Variants in LDLRAD3 observed in about 807,000 individuals in gnomAD.
LDLRAD3 encodes the protein low-density lipoprotein receptor class A domain-containing protein 3.
LDLRAD3 carries 20 observed loss-of-function variants against 29.4 expected under a neutral mutation model. That is an observed-to-expected ratio of 0.68 (90% confidence interval 0.48 to 0.99). The LOEUF (loss-of-function observed/expected upper bound fraction) is 0.99, where lower values mean the gene tolerates loss of function less well. Ranked by LOEUF, LDLRAD3 falls within the 50% of genes least tolerant of loss-of-function variation. The pLI is 0.00. For missense variants in LDLRAD3, 420 were observed against 454.3 expected (o/e 0.92, Z 0.69); for synonymous variants, 157 against 192.7 (o/e 0.81, Z 1.53).
chr11:36,183,934 A>G (rs958625972), intron 4 of LDLRAD3: 43 of 261,950 alleles, frequency 1.6e-4, no homozygotes, highest in African/African-American at 8.9e-4. Flanking sequence ...TAGATGTTCT[A>G]TTTGGTTCTT....
chr11:36,106,112 G>A (rs754493190), intron 4 of LDLRAD3, among the ~76,000 whole-genome samples: 1 of 152,218 alleles, frequency 6.6e-6, no homozygotes, highest in African/African-American at 2.4e-5. Context: ...TCGGTAAGGA[G>A]AGCTGCTAGT....
intron 4 of LDLRAD3, among the ~76,000 whole-genome samples, chr11:36,154,838 C>G (rs1358691019): frequency 1.3e-5 from 2 of 152,164 alleles, no homozygotes; most frequent in African/African-American, 4.8e-5. Context: ...AACCAACCAC[C>G]AGGTGACCCC....
At chr11:36,022,896 G>C (rs551371994) in intron 1 of LDLRAD3, among the ~76,000 whole-genome samples, 1 of 152,108 alleles carries the variant, frequency 6.6e-6, no homozygotes, top group Non-Finnish European at 1.5e-5. Flanking sequence ...TGAAAGCTGC[G>C]ATCATTCAGA....
intron 4 of LDLRAD3, 80 bp downstream of exon 4, chr11:36,098,541 C>A: frequency 6.6e-7 from 1 of 1,504,744 alleles, no homozygotes; most frequent in Non-Finnish European, 9.1e-7. Flanking sequence ...CAGAAAGCAA[C>A]ACCCATTCCC....
At chr11:36,190,309 A>T (rs1288337225) in intron 4 of LDLRAD3, among the ~76,000 whole-genome samples, 1 of 152,230 alleles carries the variant, frequency 6.6e-6, no homozygotes, top group African/African-American at 2.4e-5. Flanking sequence ...AGTGTGGGCA[A>T]CATAGTGAGA....
At chr11:36,210,204 G>A (rs1490161090) in intron 4 of LDLRAD3, among the ~76,000 whole-genome samples, 1 of 152,204 alleles carries the variant, frequency 6.6e-6, no homozygotes, top group Non-Finnish European at 1.5e-5. Flanking sequence ...GCTAGGAAAT[G>A]TAGGATGAAT....
chr11:36,199,959 GAGTTCAAGAAC>G (rs1855098487), intron 4 of LDLRAD3, among the ~76,000 whole-genome samples: 1 of 152,058 alleles, frequency 6.6e-6, no homozygotes, highest in African/African-American at 2.4e-5. Context: ...TTGAGGTCAG[GAGTTCAAGAAC>G]AGGCCGGCCA....
At chr11:36,000,626 G>A (rs1392634702) in intron 1 of LDLRAD3, among the ~76,000 whole-genome samples, 1 of 152,188 alleles carries the variant, frequency 6.6e-6, no homozygotes, top group Non-Finnish European at 1.5e-5. Flanking sequence ...GGTATGTCTA[G>A]AGAATGGGAG....
chr11:36,229,337 C>G lies in LDLRAD3; in HGVS notation c.978C>G (p.Pro326=). The G allele has an allele frequency of 6.2e-7, 1 of 1,614,052 alleles. No individual in the cohort carries two copies. The highest frequency in any genetic ancestry group is 8.5e-7 in the Non-Finnish European group (1 of 1,180,008). The change falls in exon 6 of 6, where the codon CCC becomes CCG. Residue 326 remains proline, a synonymous_variant. Coordinates refer to ENST00000315571, the MANE Select transcript of LDLRAD3 (RefSeq NM_174902.4). Reference sequence around the variant, plus strand: ...GCCACAGCCCGGGGCAGCCTGGCCCCCAGGAGGGCACTGCTGAGCCCAGGG... The same window carrying G: ...GCCACAGCCCGGGGCAGCCTGGCCCGCAGGAGGGCACTGCTGAGCCCAGGG... ...DTSHSPGQPG[P]QEGTAEPRDS...
chr11:36,224,081 ATATAT>A (rs1403741527), intron 4 of LDLRAD3, among the ~76,000 whole-genome samples: 1 of 148,182 alleles, frequency 6.7e-6, no homozygotes, highest in African/African-American at 2.5e-5. Context: ...TTATATAATT[ATATAT>A]TATATAATTA....
In LDLRAD3 at chr11:36,033,978, A is replaced by G. The variant is rs114263979; in HGVS notation, c.47-2125A>G. On this transcript the variant is annotated intron_variant, in intron 1 of 5. Transcript: ENST00000315571. ...CATAATACCTTTGCATTTCCTAACA[A>G]TCAGAGCTGCATGATTTTTGAATTC... Among the ~76,000 whole-genome samples the G allele has an allele frequency of 1.4e-3, 216 of 152,260 alleles. 3 individuals are homozygous for G. The highest frequency in any genetic ancestry group is 4.9e-3 in the African/African-American group (202 of 41,552).
At chr11:36,070,073 A>G (rs1381873936) in intron 2 of LDLRAD3, among the ~76,000 whole-genome samples, 2 of 152,224 alleles carry the variant, frequency 1.3e-5, no homozygotes, top group Admixed American at 6.5e-5. Flanking sequence ...TTACATGCAG[A>G]GGCTCCTTTA....
intron 1 of LDLRAD3, among the ~76,000 whole-genome samples, chr11:35,973,612 A>C: frequency 6.6e-6 from 1 of 150,704 alleles, no homozygotes; most frequent in Non-Finnish European, 1.5e-5. Flanking sequence ...CTACAGGTGC[A>C]CGCCACCACG....
At chr11:35,986,954 G>A (rs917259731) in intron 1 of LDLRAD3, among the ~76,000 whole-genome samples, 2 of 152,210 alleles carry the variant, frequency 1.3e-5, no homozygotes, top group Admixed American at 1.3e-4. Context: ...TGTATCTCTA[G>A]ATCTCTCACA....
At chr11:35,948,925 C>T (rs570489832) in intron 1 of LDLRAD3, among the ~76,000 whole-genome samples, 15 of 152,242 alleles carry the variant, frequency 9.9e-5, no homozygotes, top group Admixed American at 5.9e-4. Context: ...AAATGCCTCC[C>T]GACATTGCCA....
chr11:36,139,454 C>A (rs1854048380), intron 4 of LDLRAD3, among the ~76,000 whole-genome samples: 1 of 152,214 alleles, frequency 6.6e-6, no homozygotes, highest in African/African-American at 2.4e-5. Context: ...CTCCACAGAG[C>A]AGATCCTTGT....
chr11:36,146,455 A>G (rs1052234944), intron 4 of LDLRAD3, among the ~76,000 whole-genome samples: 8 of 152,244 alleles, frequency 5.3e-5, no homozygotes, highest in African/African-American at 1.4e-4. Context: ...AGCTGCTTCT[A>G]CATATCATAG....
rs369614813 is a variant in LDLRAD3 at position 36,004,524 on chromosome 11, G to A, written c.47-31579G>A. On this transcript the variant is annotated intron_variant, in intron 1 of 5. Transcript: ENST00000315571. ...CCCCCATGGCAGCTTTCACAGGCTGGCATTGAGTGCCTGTGGCTTTTCCAG... is the reference window on the plus strand; with the variant it reads ...CCCCCATGGCAGCTTTCACAGGCTGACATTGAGTGCCTGTGGCTTTTCCAG... Among the ~76,000 whole-genome samples, 36 of 152,294 alleles carry A rather than the reference G, an allele frequency of 2.4e-4. 1 individual carries two copies. In the South Asian group the frequency reaches 6.8e-3, roughly 29 times the overall value.
At chr11:36,107,276 C>T (rs945548433) in intron 4 of LDLRAD3, among the ~76,000 whole-genome samples, 22 of 151,896 alleles carry the variant, frequency 1.4e-4, no homozygotes, top group African/African-American at 5.3e-4. Context: ...TCTTGGCTCA[C>T]TGCAACCTCC....
Sources: gnomAD v4.1 joint callset for allele counts (sites outside exome capture counted in the v4.1 genomes callset) on GRCh38, gnomAD v4.1.1 for gene constraint, MANE v1.5 for transcripts, NCBI Gene and HGNC (gene_info 2026-07-23, HGNC 2026-07-21) for gene names.